MKLN1: variants seen among roughly 807,000 people sequenced by gnomAD.
MKLN1 encodes the protein muskelin.
MKLN1 carries 18 observed loss-of-function variants against 99.0 expected under a neutral mutation model. The observed-to-expected ratio is 0.18, with a 90% CI of 0.13 to 0.27. The LOEUF (loss-of-function observed/expected upper bound fraction) is 0.27. MKLN1 is among the 10% of genes least tolerant of loss of function. The pLI, the probability that MKLN1 is intolerant of heterozygous loss-of-function variation, is 1.00. For missense variants in MKLN1, 621 were observed against 875.9 expected, an observed-to-expected ratio of 0.71 and a Z score of 3.67; for synonymous variants, 288 against 293.2, an observed-to-expected ratio of 0.98 and a Z score of 0.18.
intron 10 of MKLN1, among the ~76,000 whole-genome samples, chr7:131,439,601 T>G (rs1208501351): frequency 1.3e-5 from 2 of 152,210 alleles, no homozygotes; most frequent in Non-Finnish European, 2.9e-5. Context: ...TTGTAGTGTT[T>G]ATGACACTCC....
intron 3 of MKLN1, among the ~76,000 whole-genome samples, chr7:131,240,735 C>A (rs369266923): frequency 1.3e-5 from 2 of 151,970 alleles, no homozygotes; most frequent in East Asian, 3.9e-4. Context: ...TTTTATGAGC[C>A]CAGCAAAAGG....
intron 16 of MKLN1, among the ~76,000 whole-genome samples, chr7:131,474,075 G>A (rs1474091922): frequency 2.0e-5 from 3 of 152,132 alleles, no homozygotes; most frequent in African/African-American, 4.8e-5. Context: ...TCTTGAACCC[G>A]GGAGGTGGAG....
chr7:131,291,422 C>T (rs1798215147), intron 3 of MKLN1, among the ~76,000 whole-genome samples: 1 of 151,894 alleles, frequency 6.6e-6, no homozygotes, highest in African/African-American at 2.4e-5. Context: ...TAGGCCACTG[C>T]ACCCAGCCCA....
chr7:131,181,631 C>T (rs1796377749), intron 2 of MKLN1, among the ~76,000 whole-genome samples: 1 of 151,680 alleles, frequency 6.6e-6, no homozygotes, highest in Non-Finnish European at 1.5e-5. Flanking sequence ...TTGAGACCAG[C>T]CTGGCCAACA....
chr7:131,362,604 A>C (rs1371680287), intron 1 of MKLN1, among the ~76,000 whole-genome samples: 1 of 152,002 alleles, frequency 6.6e-6, no homozygotes, highest in Non-Finnish European at 1.5e-5. Flanking sequence ...AGTTCCAATT[A>C]TATATTTTTT....
intron 2 of MKLN1, among the ~76,000 whole-genome samples, chr7:131,175,224 G>A (rs1017783765): frequency 6.6e-6 from 1 of 152,088 alleles, no homozygotes; most frequent in Middle Eastern, 3.4e-3. Context: ...TGGATAGAGA[G>A]AGAGAGATAG....
At chr7:131,312,830 C>T (rs748486117) in intron 3 of MKLN1, among the ~76,000 whole-genome samples, 5 of 152,046 alleles carry the variant, frequency 3.3e-5, no homozygotes, top group Non-Finnish European at 5.9e-5. Flanking sequence ...CTTTATGTAC[C>T]GTATGCAGAG....
At chr7:131,266,993 T>C in intron 3 of MKLN1, among the ~76,000 whole-genome samples, 1 of 152,134 alleles carries the variant, frequency 6.6e-6, no homozygotes, top group African/African-American at 2.4e-5. Context: ...AGTACTATCC[T>C]AAGTCAACCT....
intron 2 of MKLN1, among the ~76,000 whole-genome samples, chr7:131,384,799 A>G (rs1402090046): frequency 1.3e-5 from 2 of 152,234 alleles, no homozygotes; most frequent in Non-Finnish European, 2.9e-5. Context: ...CAATGTGCCA[A>G]ATAAGAAGTT....
At chr7:131,226,866 A>G (rs1797155492) in intron 3 of MKLN1, among the ~76,000 whole-genome samples, 1 of 152,066 alleles carries the variant, frequency 6.6e-6, no homozygotes, top group African/African-American at 2.4e-5. Context: ...TTGAGTCTTG[A>G]TGAAGAATAT....
At chr7:131,131,051 CAA>C (rs35397071) in intron 1 of MKLN1, among the ~76,000 whole-genome samples, 4 of 65,326 alleles carry the variant, frequency 6.1e-5, no homozygotes, top group Admixed American at 2.2e-4. Context: ...GACCCTGTCT[CAA>C]AAAAAAAAAA....
At chr7:131,128,941 G>A (rs1795507444) in intron 1 of MKLN1, among the ~76,000 whole-genome samples, 1 of 130,512 alleles carries the variant, frequency 7.7e-6, no homozygotes, top group Middle Eastern at 5.7e-3. Context: ...ATCTTGCTCT[G>A]TTGCCCAAGC....
chr7:131,376,015 A>G (rs1271085365), intron 2 of MKLN1, among the ~76,000 whole-genome samples: 2 of 149,078 alleles, frequency 1.3e-5, no homozygotes, highest in African/African-American at 4.9e-5. Flanking sequence ...CATATCCTTG[A>G]AGAAATTAAT....
intron 2 of MKLN1, among the ~76,000 whole-genome samples, chr7:131,157,900 T>C (rs1013961440): frequency 2.6e-5 from 4 of 152,156 alleles, no homozygotes; most frequent in Non-Finnish European, 5.9e-5. Context: ...GTAATCTTTA[T>C]TGGGTTTCCG....
At chr7:131,126,496 C>T (rs565469835) in intron 1 of MKLN1, among the ~76,000 whole-genome samples, 8 of 152,250 alleles carry the variant, frequency 5.3e-5, no homozygotes, top group East Asian at 1.9e-4. Context: ...ACATTTAACA[C>T]GGCGGTGTTT....
chr7:131,394,109 TAAAG>T (rs370215579), intron 4 of MKLN1, among the ~76,000 whole-genome samples: 7 of 152,042 alleles, frequency 4.6e-5, no homozygotes, highest in African/African-American at 7.3e-5. Context: ...CACTGCTACA[TAAAG>T]AAACACTAAA....
intron 1 of MKLN1, among the ~76,000 whole-genome samples, chr7:131,124,065 A>G (rs1045831891): frequency 2.0e-5 from 3 of 152,246 alleles, no homozygotes; most frequent in African/African-American, 7.2e-5. Context: ...CATACACCAT[A>G]TAAGCTTCAG....
rs370644913 is a variant in MKLN1, at chr7:131,236,674, A to T, written c.-179+33700A>T. On this transcript the variant is annotated intron_variant, in intron 3 of 7. Coordinates refer to the MKLN1 transcript ENST00000416992. ...AGATTCCATCTCAAAAAAAAATTTT[A>T]AAAAAAGTAGTGATGGAGAGGGCCG... Among the ~76,000 whole-genome samples the T allele has an allele frequency of 4.5e-4, 69 of 152,182 alleles. No homozygotes were observed. In the East Asian group the frequency reaches 5.6e-3, roughly 12 times the overall value.
At chr7:131,206,756 A>G (rs975138707) in intron 3 of MKLN1, among the ~76,000 whole-genome samples, 2 of 151,752 alleles carry the variant, frequency 1.3e-5, no homozygotes, top group Admixed American at 6.6e-5. Context: ...GGGTCTTGCT[A>G]TGTTTTCCCG....
Sources: allele counts gnomAD v4.1 joint callset (sites outside exome capture counted in the v4.1 genomes callset), GRCh38; gene constraint gnomAD v4.1.1; transcripts MANE v1.5; gene names NCBI Gene and HGNC (gene_info 2026-07-23, HGNC 2026-07-21).